ALDH4A1: variants seen among roughly 807,000 people sequenced by gnomAD.
The protein encoded by ALDH4A1 is aldehyde dehydrogenase 4 family member A1, also known as delta-1-pyrroline-5-carboxylate dehydrogenase, mitochondrial.
Under a neutral mutation model 70.5 loss-of-function variants are expected in ALDH4A1, and 46 were observed. The observed-to-expected ratio is 0.65, with a 90% confidence interval of 0.51 to 0.83. ALDH4A1 has a LOEUF of 0.83. ALDH4A1 is among the 40% of genes least tolerant of loss of function. The pLI, the probability that ALDH4A1 is intolerant of heterozygous loss-of-function variation, is 0.00. For missense variants in ALDH4A1, 749 were observed against 766.5 expected (o/e 0.98, Z 0.27); for synonymous variants, 323 against 324.3 (o/e 1.00, Z 0.04).
At chr1:18,900,882 G>A in intron 1 of ALDH4A1, 1 of 985,322 alleles carries the variant, frequency 1.0e-6, no homozygotes, top group Non-Finnish European at 1.2e-6. Context: ...TACCGGCTCG[G>A]TGTTAGGCCC....
chr1:18,899,848 T>C (rs1289204787), intron 1 of ALDH4A1, among the ~76,000 whole-genome samples: 1 of 152,200 alleles, frequency 6.6e-6, no homozygotes, highest in Non-Finnish European at 1.5e-5. Context: ...AGGGCTCACA[T>C]GATTAGTTCA....
At chr1:18,885,662 C>G (rs1935172195) in intron 4 of ALDH4A1, 34 bp from the exon 5 acceptor site, 1 of 1,613,152 alleles carries the variant, frequency 6.2e-7, no homozygotes, top group African/African-American at 1.3e-5. Context: ...GGACTGCCAC[C>G]TGCAGCGGGA....
Position 18,883,129 on chromosome 1 carries a change from G to C in ALDH4A1, c.673C>G (p.Leu225Val). ...IGGNLAGAPALMGNVVLWKPS... is the reference protein window; with the variant it reads ...IGGNLAGAPAVMGNVVLWKPS... ...CACCTGTGCCCACATCTCACCATCAGGGCCGGTGCCCCCGCCAGGTTGCCG... is the reference window on the plus strand; with the variant it reads ...CACCTGTGCCCACATCTCACCATCACGGCCGGTGCCCCCGCCAGGTTGCCG... Residue 225 changes from leucine to valine, a missense_variant, in exon 7 of 15, where the codon CTG becomes GTG. Coordinates refer to ENST00000375341, the MANE Select transcript of ALDH4A1 (RefSeq NM_003748.4). 6.2e-7 allele frequency: 1 copy of C among 1,613,180 alleles called. No individual in the cohort carries two copies. The highest frequency in any genetic ancestry group is 8.5e-7 in the Non-Finnish European group (1 of 1,180,046).
chr1:18,894,694 C>T (rs528702244), intron 1 of ALDH4A1, among the ~76,000 whole-genome samples: 2 of 152,286 alleles, frequency 1.3e-5, no homozygotes, highest in Admixed American at 6.5e-5. Flanking sequence ...CATGCCCCCA[C>T]GGCTTTCCCT....
Position 18,872,803 on chromosome 1 carries a change from C to A in ALDH4A1, c.*42G>T. On this transcript the variant is annotated 3_prime_UTR_variant, in exon 15 of 15. Transcript: ENST00000375341. ...GGGGTCTGTGCAGTGAGGTCGGCCA[C>A]CTGGACGGACAGACAGCTGGACGGT... 5 of 1,552,632 alleles carry A rather than the reference C, an allele frequency of 3.2e-6. No homozygotes were observed. The highest frequency in any genetic ancestry group is 4.4e-6 in the Non-Finnish European group (5 of 1,128,328).
chr1:18,901,166 C>T (rs114982071), intron 1 of ALDH4A1, among the ~76,000 whole-genome samples: 80 of 152,286 alleles, frequency 5.3e-4, no homozygotes, highest in African/African-American at 1.7e-3. Flanking sequence ...GGCCTGCAAA[C>T]GGGATCACAC....
intron 11 of ALDH4A1, 101 bp from the exon 12 acceptor site, chr1:18,876,568 C>A: frequency 7.3e-7 from 1 of 1,360,796 alleles, no homozygotes; most frequent in Non-Finnish European, 9.9e-7. Flanking sequence ...CCTGAAGGGC[C>A]CAACTCCTGA....
Position 18,880,648 on chromosome 1 carries a change from G to A in ALDH4A1, c.866+1052C>T, listed in dbSNP as rs994038104. On this transcript the variant is annotated intron_variant, in intron 8 of 14. Coordinates refer to ENST00000375341, the MANE Select transcript of ALDH4A1 (RefSeq NM_003748.4). This position sits in a 1 kb window ranked among gnomAD's most constrained non-coding sequence, Gnocchi z 5.1. ...ACAGCGTGGATCAGGTATGCAGGGA[G>A]CCAGAGGGCACCCACCCACTTCCAG... Among the ~76,000 whole-genome samples the A allele has an allele frequency of 2.3e-4, 35 of 152,308 alleles. No homozygotes were observed. The highest frequency in any genetic ancestry group is 7.9e-4 in the African/African-American group (33 of 41,568).
At chr1:18,885,141 G>A (rs1935141458) in intron 5 of ALDH4A1, 4 of 373,044 alleles carry the variant, frequency 1.1e-5, no homozygotes, top group East Asian at 6.0e-5. Flanking sequence ...CTCTGAGGGC[G>A]GCGAGGGGCT....
At position 18,897,973 on chromosome 1, in the gene ALDH4A1, G is replaced by A. The variant is rs1041426232; in HGVS notation, c.62+4489C>T. ...GGAAGGTTTGGGGATTAAGGAGGCT[G>A]CAAGAAAGGGAGAAGTCTTTTCCAT... On this transcript the variant is annotated intron_variant, in intron 1 of 14. Coordinates refer to ENST00000375341, the MANE Select transcript of ALDH4A1 (RefSeq NM_003748.4). 9.8e-5 allele frequency among the ~76,000 whole-genome samples: 15 copies of A among 152,288 alleles called. No individual in the cohort carries two copies. In the East Asian group the frequency reaches 2.5e-3, roughly 25 times the overall value.
In ALDH4A1 at chr1:18,902,469, C is replaced by T. The variant is rs1033354029; in HGVS notation, c.55G>A (p.Gly19Arg). 4 of 1,404,720 alleles carry T rather than the reference C, an allele frequency of 2.8e-6. No individual in the cohort carries two copies. In the African/African-American group the frequency reaches 4.5e-5, roughly 16 times the overall value. The allele number at this position is 1,404,720 out of a possible 1,614,324, so 87.0% of individuals were successfully genotyped here. A position where few individuals can be genotyped will look rare whatever the true frequency, so the allele number is the denominator to read the frequency against. The change falls in exon 1 of 15, where the codon GGG becomes AGG. Residue 19 changes from glycine to arginine, a missense_variant. Physicochemically the swap from Gly to Arg is moderately radical, Grantham distance 125. Transcript: ENST00000375341. ...GGCCCCGTGCTCACTCACCCGGCCC[C>T]GGTCCAGGGGCGGGACAGCAGGGCG... ...RRALLSRPWT[G>R]AGLRWKHTSS...
At chr1:18,900,903 A>C (rs1935777126) in intron 1 of ALDH4A1, 1 of 984,948 alleles carries the variant, frequency 1.0e-6, no homozygotes, top group African/African-American at 1.7e-5. Flanking sequence ...ATGGTGCTTG[A>C]TTGCTTGATA....
intron 1 of ALDH4A1, chr1:18,897,056 G>A (rs780866635): frequency 1.9e-6 from 1 of 534,244 alleles, no homozygotes; most frequent in South Asian, 1.4e-5. Flanking sequence ...AAGCGTATGA[G>A]GAACGCATGA....
chr1:18,899,962 G>C (rs1238850552), intron 1 of ALDH4A1, among the ~76,000 whole-genome samples: 1 of 152,174 alleles, frequency 6.6e-6, no homozygotes, highest in East Asian at 1.9e-4. Context: ...GAAAAAACAA[G>C]CTACAATAAA....
intron 1 of ALDH4A1, among the ~76,000 whole-genome samples, chr1:18,896,747 G>A (rs1001453890): frequency 6.6e-6 from 1 of 152,172 alleles, no homozygotes; most frequent in Non-Finnish European, 1.5e-5. Flanking sequence ...ACAAAAATTA[G>A]CTGGACATGG....
At chr1:18,900,171 G>T (rs1935753285) in intron 1 of ALDH4A1, among the ~76,000 whole-genome samples, 1 of 152,098 alleles carries the variant, frequency 6.6e-6, no homozygotes, top group Admixed American at 6.6e-5. Context: ...TGTATCAAGG[G>T]TATTTTTTAA....
chr1:18,890,170 C>A (rs897549610), intron 1 of ALDH4A1, 65 bp from the exon 2 acceptor site: 6 of 1,365,964 alleles, frequency 4.4e-6, no homozygotes, highest in Non-Finnish European at 6.1e-6. Flanking sequence ...CAGACCCCAG[C>A]CCCTCTACCT....
In ALDH4A1 at chr1:18,872,343, T is replaced by C. The variant is rs1802783; in HGVS notation, c.*502A>G. Reference sequence around the variant, plus strand: ...CTGGGCAAAGATACAGTGAGGAAGGTAGACAGCCCAGACCAGAGAGGGCAA... The same window carrying C: ...CTGGGCAAAGATACAGTGAGGAAGGCAGACAGCCCAGACCAGAGAGGGCAA... On this transcript the variant is annotated 3_prime_UTR_variant, in exon 15 of 15. Coordinates refer to ENST00000375341, the MANE Select transcript of ALDH4A1 (RefSeq NM_003748.4). 4,880 of 154,576 alleles carry C rather than the reference T, an allele frequency of 0.032. 226 individuals carry two copies. Among genetic ancestry groups the C allele is most frequent in the African/African-American group, 0.11 (4,572 of 41,538 alleles). 9.6% of individuals were successfully genotyped at this position (154,576 alleles called of 1,614,324 possible). A position where few individuals can be genotyped will look rare whatever the true frequency, so the allele number is the denominator to read the frequency against.
intron 1 of ALDH4A1, among the ~76,000 whole-genome samples, chr1:18,895,991 T>G (rs1173011444): frequency 6.6e-6 from 1 of 152,088 alleles, no homozygotes; most frequent in African/African-American, 2.4e-5. Context: ...CCTCCAAATG[T>G]ATTCCCCATC....
Sources: allele counts gnomAD v4.1 joint callset (sites outside exome capture counted in the v4.1 genomes callset), GRCh38; gene constraint gnomAD v4.1.1; non-coding constraint Gnocchi (gnomAD v3.1); transcripts MANE v1.5; gene names NCBI Gene and HGNC (gene_info 2026-07-23, HGNC 2026-07-21).